The following HMCN1 variants were observed in gnomAD, a reference collection of about 807,000 sequenced individuals.
The protein encoded by HMCN1 is hemicentin 1.
A neutral mutation model predicts 625.9 loss-of-function variants in HMCN1; 321 were observed. The observed-to-expected ratio is 0.51, with a 90% CI of 0.47 to 0.56. The LOEUF is 0.56. Among genes scored for constraint, HMCN1 ranks in the 20% least tolerant of loss-of-function variants. The pLI is 0.00. For missense variants in HMCN1, 6,588 were observed against 6,887.3 expected (o/e 0.96, Z 1.54); for synonymous variants, 2,425 against 2,417.6 (o/e 1.00, Z -0.09).
intron 4 of HMCN1, among the ~76,000 whole-genome samples, chr1:185,897,446 T>C (rs953721762): frequency 6.6e-6 from 1 of 152,170 alleles, no homozygotes; most frequent in Non-Finnish European, 1.5e-5. Context: ...ATGTGAGGAC[T>C]GCCACATACT....
intron 74 of HMCN1, 129 bp from the exon 75 acceptor site, chr1:186,115,129 T>G: frequency 7.2e-7 from 1 of 1,384,996 alleles, no homozygotes; most frequent in Non-Finnish European, 1.0e-6. Flanking sequence ...CTATTAAAAT[T>G]TGCAGAGTCT....
rs1007728987 is a variant in HMCN1 at position 185,981,350 on chromosome 1, A to G, written c.2662+277A>G. ...TGCACACACACACACACACACACAT[A>G]TTAGAGTTGTGGTCTTTTCTGATTC... On this transcript the variant is annotated intron_variant, in intron 17 of 106. Coordinates refer to ENST00000271588, the MANE Select transcript of HMCN1 (RefSeq NM_031935.3). 1.3e-5 allele frequency among the ~76,000 whole-genome samples: 2 copies of G among 152,006 alleles called. No individual in the cohort carries two copies. The highest frequency in any genetic ancestry group is 4.8e-5 in the African/African-American group (2 of 41,378).
chr1:185,772,378 A>G (rs1272703226), intron 1 of HMCN1, among the ~76,000 whole-genome samples: 1 of 152,206 alleles, frequency 6.6e-6, no homozygotes, highest in Non-Finnish European at 1.5e-5. Context: ...GACAGTGGAA[A>G]TGGAGAGAAG....
intron 97 of HMCN1, 48 bp downstream of exon 97, chr1:186,154,035 G>C: frequency 6.7e-7 from 1 of 1,500,446 alleles, no homozygotes; most frequent in Non-Finnish European, 9.3e-7. Context: ...CCAGTCTAAA[G>C]GGTTAAAAAA....
At chr1:186,126,672 A>C (rs1661661909) in intron 82 of HMCN1, among the ~76,000 whole-genome samples, 1 of 152,156 alleles carries the variant, frequency 6.6e-6, no homozygotes, top group Non-Finnish European at 1.5e-5. Context: ...AGGTGGAAAC[A>C]TGTCCAGTGT....
chr1:186,086,315 C>A lies in HMCN1; in HGVS notation c.8954C>A (p.Thr2985Asn). 6.2e-7 allele frequency: 1 copy of A among 1,613,286 alleles called. No homozygotes were observed. The highest frequency in any genetic ancestry group is 8.5e-7 in the Non-Finnish European group (1 of 1,179,460). ...GTGGTGAACAATTTCATCTCTTTGA[C>A]CTGTGAGGTCTCTGGTTTTCCACCT... ...TVVVNNFISL[T>N]CEVSGFPPPD... Residue 2985 changes from threonine (T) to asparagine (N), a missense_variant, in exon 58 of 107, where the codon ACC becomes AAC. Thr to Asn is a moderately conservative substitution (Grantham distance 65). Around this residue, in one of 3 missense-constraint regions of HMCN1, gnomAD observed 4,628 missense variants for 4,853.1 expected, o/e 0.95. Coordinates refer to ENST00000271588, the MANE Select transcript of HMCN1 (RefSeq NM_031935.3).
At chr1:185,785,818 T>C (rs978786450) in intron 1 of HMCN1, among the ~76,000 whole-genome samples, 5 of 152,320 alleles carry the variant, frequency 3.3e-5, no homozygotes, top group Non-Finnish European at 7.4e-5. Flanking sequence ...CCAGGACAGT[T>C]CTGGGAAATA....
At chr1:185,827,018 T>TA (rs934315704) in intron 1 of HMCN1, among the ~76,000 whole-genome samples, 41 of 150,476 alleles carry the variant, frequency 2.7e-4, no homozygotes, top group African/African-American at 9.6e-4. Context: ...CTACTAAAAA[T>TA]AAAAAAAATT....
chr1:186,148,344 G>T (rs1428033455), intron 93 of HMCN1, among the ~76,000 whole-genome samples: 1 of 151,922 alleles, frequency 6.6e-6, no homozygotes, highest in Non-Finnish European at 1.5e-5. Flanking sequence ...TATGATGGGG[G>T]GAATCAACTT....
chr1:186,107,731 G>A (rs1458833632), intron 70 of HMCN1, among the ~76,000 whole-genome samples: 1 of 151,738 alleles, frequency 6.6e-6, no homozygotes, highest in East Asian at 1.9e-4. Context: ...CCTTTATTTT[G>A]AGAAATTTCT....
At chr1:185,945,378 G>A (rs1042316078) in intron 11 of HMCN1, among the ~76,000 whole-genome samples, 4 of 152,144 alleles carry the variant, frequency 2.6e-5, no homozygotes, top group African/African-American at 9.7e-5. Flanking sequence ...AAAGGTTAGA[G>A]CTGGTGTCTT....
intron 15 of HMCN1, among the ~76,000 whole-genome samples, chr1:185,971,944 T>C (rs1004810632): frequency 5.9e-5 from 9 of 152,246 alleles, no homozygotes; most frequent in Non-Finnish European, 1.3e-4. Context: ...AAAATAAGAT[T>C]GGAACCTCTG....
chr1:186,127,249 G>GAGTT (rs975602180), intron 82 of HMCN1, among the ~76,000 whole-genome samples: 1 of 152,068 alleles, frequency 6.6e-6, no homozygotes, highest in African/African-American at 2.4e-5. Flanking sequence ...TCAGAGCAAA[G>GAGTT]AGTTAGAATA....
intron 1 of HMCN1, among the ~76,000 whole-genome samples, chr1:185,748,466 T>C (rs973010971): frequency 1.3e-5 from 2 of 152,194 alleles, no homozygotes; most frequent in African/African-American, 4.8e-5. Flanking sequence ...TAGAAAAGTG[T>C]CATTCTTTTT....
chr1:186,019,651 T>C lies in HMCN1; in HGVS notation c.5581T>C (p.Leu1861=). The change falls in exon 35 of 107, where the codon TTA becomes CTA. Residue 1861 remains leucine (L), a synonymous_variant. Transcript: ENST00000271588. ...GATTCCAAATCCTTCCATTACATGG[T>C]TAAAAGATGACCAGCCTGTGAACAC... ...NGIPNPSITW[L]KDDQPVNTAQ... is the part of the protein sequence containing the mutation. 1 of 1,612,390 alleles carries C rather than the reference T, an allele frequency of 6.2e-7. No individual in the cohort carries two copies. Among genetic ancestry groups the C allele is most frequent in the South Asian group, 1.1e-5 (1 of 91,040 alleles).
intron 13 of HMCN1, among the ~76,000 whole-genome samples, chr1:185,965,031 C>G (rs751676446): frequency 1.2e-4 from 19 of 152,056 alleles, no homozygotes; most frequent in Non-Finnish European, 1.5e-4. Context: ...TGAAGGTATT[C>G]TAGCAGAGAA....
At chr1:186,066,579 A>T (rs1658131309) in intron 49 of HMCN1, among the ~76,000 whole-genome samples, 1 of 152,144 alleles carries the variant, frequency 6.6e-6, no homozygotes, top group Non-Finnish European at 1.5e-5. Flanking sequence ...AACCATGCCC[A>T]GATATATATA....
chr1:186,018,132 T>C, intron 33 of HMCN1, 51 bp from the exon 34 acceptor site: 1 of 1,412,584 alleles, frequency 7.1e-7, no homozygotes, highest in Non-Finnish European at 1.0e-6. Context: ...TCTTCTAGGA[T>C]ATGATTTACT....
chr1:185,963,206 A>T (rs1558098884), intron 12 of HMCN1, among the ~76,000 whole-genome samples: 4 of 152,106 alleles, frequency 2.6e-5, no homozygotes, highest in Admixed American at 2.0e-4. Context: ...ATAAACAACA[A>T]AGTATCCAGC....
Sources: allele counts gnomAD v4.1 joint callset (sites outside exome capture counted in the v4.1 genomes callset), GRCh38; gene constraint gnomAD v4.1.1; regional missense constraint gnomAD v4.1.1; transcripts MANE v1.5; gene names NCBI Gene and HGNC (gene_info 2026-07-23, HGNC 2026-07-21).